ZNF521: variants seen among roughly 807,000 people sequenced by gnomAD.
ZNF521 encodes LYST-interacting protein 3.
ZNF521 carries 14 observed loss-of-function variants against 105.5 expected under a neutral mutation model. The observed-to-expected ratio is 0.13, with a 90% CI of 0.09 to 0.21. ZNF521 has a LOEUF of 0.21. Among genes scored for constraint, ZNF521 ranks in the 10% least tolerant of loss-of-function variants. The probability of loss-of-function intolerance (pLI) is 1.00; values close to 1 mark genes in which losing one functional copy is unlikely to be tolerated. For missense variants in ZNF521, 1,233 were observed against 1,629.7 expected, an observed-to-expected ratio of 0.76 and a Z score of 4.19; for synonymous variants, 635 against 606.0, an observed-to-expected ratio of 1.05 and a Z score of -0.70.
chr18:25,182,193 T>C (rs530439891), intron 5 of ZNF521, among the ~76,000 whole-genome samples: 13 of 152,176 alleles, frequency 8.5e-5, no homozygotes, highest in Non-Finnish European at 1.5e-4. Flanking sequence ...CCTCTTGCAG[T>C]ACTCTGACCA....
intron 5 of ZNF521, among the ~76,000 whole-genome samples, chr18:25,141,449 C>T (rs897680649): frequency 1.6e-4 from 25 of 152,288 alleles, no homozygotes; most frequent in Non-Finnish European, 2.4e-4. Context: ...CCCCTGGGGG[C>T]CGTTCTTCCT....
intron 3 of ZNF521, among the ~76,000 whole-genome samples, chr18:25,258,766 C>T (rs1405702230): frequency 6.6e-6 from 1 of 152,042 alleles, no homozygotes; most frequent in Non-Finnish European, 1.5e-5. Context: ...ACTGGAGACA[C>T]GTGGCCTCTC....
At chr18:25,289,018 G>A (rs1910862819) in intron 3 of ZNF521, among the ~76,000 whole-genome samples, 1 of 152,138 alleles carries the variant, frequency 6.6e-6, no homozygotes, top group South Asian at 2.1e-4. Flanking sequence ...AAAGGCAATA[G>A]CCAAAACTAT....
chr18:25,064,210 A>G (rs980164909), intron 7 of ZNF521, among the ~76,000 whole-genome samples: 3 of 152,258 alleles, frequency 2.0e-5, no homozygotes, highest in African/African-American at 7.2e-5. Context: ...AGTCTAAAGA[A>G]GGTCATGTGG....
chr18:25,107,925 C>T (rs958362507), intron 5 of ZNF521, among the ~76,000 whole-genome samples: 5 of 152,314 alleles, frequency 3.3e-5, no homozygotes, highest in South Asian at 4.1e-4. Context: ...GGAATAGATC[C>T]GCAAGGGTGA....
At chr18:25,197,779 C>A (rs1398165250) in intron 4 of ZNF521, among the ~76,000 whole-genome samples, 1 of 151,754 alleles carries the variant, frequency 6.6e-6, no homozygotes, top group Non-Finnish European at 1.5e-5. Flanking sequence ...ACATTAGCCC[C>A]TTTTCAGACT....
In ZNF521 at chr18:25,114,338, C is replaced by T. The variant is rs187895806; in HGVS notation, c.3659-22257G>A. ...AAGAGATTACAAATTTCCCCCTACT[C>T]CATATTTTTGATAGGAGTGGTCAAA... On this transcript the variant is annotated intron_variant, in intron 5 of 7. Coordinates refer to ENST00000361524, the MANE Select transcript of ZNF521 (RefSeq NM_015461.3). Among the ~76,000 whole-genome samples, 38 of 152,224 alleles carry T rather than the reference C, an allele frequency of 2.5e-4. 1 individual carries two copies. The highest frequency in any genetic ancestry group is 9.2e-4 in the African/African-American group (38 of 41,530).
intron 2 of ZNF521, among the ~76,000 whole-genome samples, chr18:25,323,477 C>A (rs1457250302): frequency 2.6e-5 from 4 of 151,926 alleles, no homozygotes; most frequent in African/African-American, 9.7e-5. Context: ...GCAGCCCAAG[C>A]AGAAGTGCAG....
At chr18:25,206,434 G>T (rs573835448) in intron 4 of ZNF521, among the ~76,000 whole-genome samples, 2 of 151,954 alleles carry the variant, frequency 1.3e-5, no homozygotes, top group Non-Finnish European at 2.9e-5. Context: ...TTAGATGAAG[G>T]CTCCTGTGGA....
At chr18:25,240,219 A>T (rs1907214212) in intron 3 of ZNF521, among the ~76,000 whole-genome samples, 1 of 152,070 alleles carries the variant, frequency 6.6e-6, no homozygotes, top group Non-Finnish European at 1.5e-5. Flanking sequence ...CATCTCCCCC[A>T]TCAGAGTAAG....
At chr18:25,177,700 A>G (rs1055742235) in intron 5 of ZNF521, among the ~76,000 whole-genome samples, 1 of 152,210 alleles carries the variant, frequency 6.6e-6, no homozygotes, top group African/African-American at 2.4e-5. Context: ...AGGCAAAAAT[A>G]TCGTCTGTAA....
intron 5 of ZNF521, among the ~76,000 whole-genome samples, chr18:25,112,027 C>G (rs1056991857): frequency 3.3e-5 from 5 of 152,170 alleles, no homozygotes; most frequent in Admixed American, 6.5e-5. Context: ...GTCCAGACTG[C>G]TTCTCTGGAA....
rs536732141 is a variant in ZNF521 at position 25,319,984 on chromosome 18, T to C, written c.220+2024A>G. On this transcript the variant is annotated intron_variant, in intron 3 of 7. Transcript: ENST00000361524. ...TAGCTTCTCTTCAAAAATGTCATGG[T>C]CAGGAAAGACAGAGGCTGAGAGAAC... 5.1e-4 allele frequency among the ~76,000 whole-genome samples: 78 copies of C among 152,174 alleles called. No individual in the cohort carries two copies. The South Asian group carries it at 0.016, about 32-fold the overall frequency.
intron 3 of ZNF521, among the ~76,000 whole-genome samples, chr18:25,290,655 G>C (rs1910964980): frequency 7.5e-6 from 1 of 134,110 alleles, no homozygotes; most frequent in African/African-American, 2.9e-5. Context: ...TTGTCACCCA[G>C]ACTGGAGTAC....
intron 4 of ZNF521, among the ~76,000 whole-genome samples, chr18:25,218,482 TAAAA>T (rs35500329): frequency 6.3e-5 from 5 of 79,872 alleles, no homozygotes; most frequent in African/African-American, 1.6e-4. Flanking sequence ...TCGAGCCTAC[TAAAA>T]AAAAAAAAAA....
At chr18:25,243,425 T>C (rs1174890591) in intron 3 of ZNF521, among the ~76,000 whole-genome samples, 1 of 152,170 alleles carries the variant, frequency 6.6e-6, no homozygotes, top group Non-Finnish European at 1.5e-5. Flanking sequence ...CCACAAAACT[T>C]TCTCTCTGGG....
chr18:25,313,714 A>G (rs1912450380), intron 3 of ZNF521, among the ~76,000 whole-genome samples: 1 of 152,174 alleles, frequency 6.6e-6, no homozygotes, highest in Admixed American at 6.5e-5. Context: ...CTAATTTTTT[A>G]ATTTCTGTTT....
intron 3 of ZNF521, among the ~76,000 whole-genome samples, chr18:25,231,143 G>A (rs1386211072): frequency 6.6e-6 from 1 of 152,166 alleles, no homozygotes; most frequent in Non-Finnish European, 1.5e-5. Flanking sequence ...TTCTGCCAAA[G>A]GGGATGCAGA....
intron 4 of ZNF521, among the ~76,000 whole-genome samples, chr18:25,223,706 A>G (rs1250821950): frequency 6.6e-6 from 1 of 151,974 alleles, no homozygotes; most frequent in Non-Finnish European, 1.5e-5. Context: ...AAAAAAACGC[A>G]CACATTGATT....
Sources: allele counts gnomAD v4.1 joint callset (sites outside exome capture counted in the v4.1 genomes callset), GRCh38; gene constraint gnomAD v4.1.1; transcripts MANE v1.5; gene names NCBI Gene and HGNC (gene_info 2026-07-23, HGNC 2026-07-21).